RHBDF2: variants seen among roughly 807,000 people sequenced by gnomAD.
The protein encoded by RHBDF2 is rhomboid 5 homolog 2, also known as inactive rhomboid protein 2.
In RHBDF2, 38 loss-of-function variants were observed where a neutral mutation model predicts 95.2. That is an observed-to-expected ratio of 0.40 (90% CI 0.31 to 0.52). The LOEUF is 0.52. RHBDF2 is among the 20% of genes least tolerant of loss of function. The probability of loss-of-function intolerance (pLI) is 0.56; values close to 1 mark genes in which losing one functional copy is unlikely to be tolerated. For missense variants in RHBDF2, 863 were observed against 1,137.7 expected (o/e 0.76, Z 3.47); for synonymous variants, 442 against 462.0 (o/e 0.96, Z 0.55).
At chr17:76,496,062 G>A (rs1690093460) in intron 1 of RHBDF2, among the ~76,000 whole-genome samples, 1 of 152,170 alleles carries the variant, frequency 6.6e-6, no homozygotes, top group Non-Finnish European at 1.5e-5. Context: ...ACTCAAACCT[G>A]CCTGGGCCAC....
In RHBDF2 at chr17:76,471,293, C is replaced by T. The variant is rs747752439; in HGVS notation, c.*340G>A. On this transcript the variant is annotated 3_prime_UTR_variant, in exon 19 of 19. Transcript: ENST00000675367. ...GGGGAGAAGGCACCAGCAGAGGCAG[C>T]GCTGAGGACCTGGGAAGAAAAGGAC... 6 of 274,378 alleles carry T rather than the reference C, an allele frequency of 2.2e-5. No individual in the cohort carries two copies. Among genetic ancestry groups the T allele is most frequent in the South Asian group, 6.0e-5 (1 of 16,594 alleles). The allele number at this position is 274,378 out of a possible 1,614,324, so 17.0% of individuals were successfully genotyped here.
In RHBDF2 at chr17:76,473,403, CCTGGCTACAGGAGGCATCG is replaced by C. The variant is rs1277980540; in HGVS notation, c.1734-95_1734-77del. ...GCCCACCTTTGCCCAGAGCCCAGCA[CCTGGCTACAGGAGGCATCG>C]CTGGCAGGAAGGGGGATGCCGCATC... On this transcript the variant is annotated intron_variant, in intron 15 of 18. Transcript: ENST00000675367. 10 of 1,358,942 alleles carry C rather than the reference CCTGGCTACAGGAGGCATCG, an allele frequency of 7.4e-6. No individual in the cohort carries two copies. In the African/African-American group the frequency reaches 1.3e-4, roughly 18 times the overall value. 84.2% of individuals were successfully genotyped at this position (1,358,942 alleles called of 1,614,324 possible). A position where few individuals can be genotyped will look rare whatever the true frequency, so the allele number is the denominator to read the frequency against.
chr17:76,478,874 G>T lies in RHBDF2; in HGVS notation c.604C>A (p.His202Asn). 1 of 1,613,452 alleles carries T rather than the reference G, an allele frequency of 6.2e-7. No individual in the cohort carries two copies. The highest frequency in any genetic ancestry group is 8.5e-7 in the Non-Finnish European group (1 of 1,179,748). Residue 202 changes from histidine to asparagine, a missense_variant, in exon 6 of 19, where the codon CAC (histidine) becomes AAC (asparagine). Around this residue, in one of 2 missense-constraint regions of RHBDF2, gnomAD observed 611 missense variants for 725.5 expected, o/e 0.84. Transcript: ENST00000675367. ...GACATTCTCTTGCGGCGTGGCAGGT[G>T]GGAGTAGCCAGAACGGACACTGGTG... The part of the protein sequence containing the change: ...SFTSVRSGYS[H>N]LPRRKRMSVA...
intron 1 of RHBDF2, among the ~76,000 whole-genome samples, chr17:76,498,064 G>A (rs1420739195): frequency 3.9e-5 from 6 of 152,154 alleles, no homozygotes; most frequent in South Asian, 2.1e-4. Context: ...ACACGGTGGC[G>A]CTTTGTACTT....
Position 76,481,400 on chromosome 17 carries a change from C to A in RHBDF2, c.125G>T (p.Gly42Val). The A allele has an allele frequency of 6.2e-7, 1 of 1,612,600 alleles. No homozygotes were observed. The change falls in exon 3 of 19, where the codon GGC (glycine) becomes GTC (valine). Residue 42 changes from glycine (G) to valine (V), a missense_variant. Transcript: ENST00000675367. ...PPPEKETQAP[G>V]EQDSMLPERK... ...CTCAGGCAGCATGCTGTCCTGCTCG[C>A]CAGGGGCCTGGGTCTCTTTCTCGGG...
chr17:76,484,098 C>A (rs948595642), intron 2 of RHBDF2, among the ~76,000 whole-genome samples: 2 of 152,024 alleles, frequency 1.3e-5, no homozygotes, highest in Non-Finnish European at 2.9e-5. Flanking sequence ...CCCGTCTCTA[C>A]TAAAAATACA....
chr17:76,501,111 C>A (rs2074568170), intron 1 of RHBDF2: 1 of 152,272 alleles, frequency 6.6e-6, no homozygotes, highest in Non-Finnish European at 1.5e-5. Context: ...CCTGTCCGAG[C>A]CGAGCCCTAG....
At chr17:76,496,036 A>C (rs957226375) in intron 1 of RHBDF2, among the ~76,000 whole-genome samples, 1 of 152,162 alleles carries the variant, frequency 6.6e-6, no homozygotes, top group African/African-American at 2.4e-5. Flanking sequence ...AGGAGGAATA[A>C]GGGGCCAGAG....
At chr17:76,486,953 T>A (rs1216616876) in intron 2 of RHBDF2, among the ~76,000 whole-genome samples, 1 of 5,236 alleles carries the variant, frequency 1.9e-4, no homozygotes. Flanking sequence ...GCTTCCTGCC[T>A]TTTTTTTTTT....
rs375480778 is a variant in RHBDF2 at position 76,475,158 on chromosome 17, C to T, written c.1116-17G>A. On this transcript the variant is annotated splice_polypyrimidine_tract_variant and intron_variant, in intron 9 of 18. Transcript: ENST00000675367. ...AAGTAGGGCCTGTGCAGAGACACCT[C>T]GGGTCAGCTGAGCCGAGCTCCTATC... 5.8e-6 allele frequency: 9 copies of T among 1,555,310 alleles called. No individual in the cohort carries two copies. Among genetic ancestry groups the T allele is most frequent in the African/African-American group, 1.4e-5 (1 of 74,010 alleles).
chr17:76,479,307 A>G, intron 4 of RHBDF2, 30 bp from the exon 5 acceptor site: 4 of 1,570,424 alleles, frequency 2.5e-6, no homozygotes, highest in Non-Finnish European at 3.4e-6. Context: ...ACAGGTGGGC[A>G]TACGCTTGTC....
chr17:76,472,558 G>A, intron 18 of RHBDF2, 128 bp downstream of exon 18: 1 of 1,216,808 alleles, frequency 8.2e-7, no homozygotes, highest in East Asian at 2.4e-5. Flanking sequence ...CAGATTAGCT[G>A]TCCCTCCGCT....
chr17:76,481,757 A>G (rs2073973770), intron 2 of RHBDF2: 1 of 385,068 alleles, frequency 2.6e-6, no homozygotes, highest in Non-Finnish European at 4.8e-6. Flanking sequence ...GATCGAGACC[A>G]TCCTGGCCAA....
intron 1 of RHBDF2, among the ~76,000 whole-genome samples, chr17:76,500,210 T>G (rs2074545434): frequency 6.6e-6 from 1 of 152,142 alleles, no homozygotes; most frequent in Non-Finnish European, 1.5e-5. Context: ...TTCCTCGTTA[T>G]GTGGGCTGTT....
chr17:76,498,305 AGCGCTTCCACAGCCG>A (rs1784704581), intron 1 of RHBDF2, among the ~76,000 whole-genome samples: 1 of 152,326 alleles, frequency 6.6e-6, no homozygotes, highest in South Asian at 2.1e-4. Flanking sequence ...TCCGACAGCC[AGCGCTTCCACAGCCG>A]GTGCAGATGC....
chr17:76,479,369 C>T (rs756592912), intron 4 of RHBDF2, 92 bp from the exon 5 acceptor site: 42 of 1,521,876 alleles, frequency 2.8e-5, no homozygotes, highest in Non-Finnish European at 3.2e-5. Context: ...TGTGTGCCCG[C>T]GTGCCTACAG....
At chr17:76,489,074 C>T (rs59485060) in intron 1 of RHBDF2, among the ~76,000 whole-genome samples, 57,919 of 151,432 alleles carry the variant, frequency 0.38, 12,110 homozygotes, top group Middle Eastern at 0.5. Flanking sequence ...TGCAGTGAGC[C>T]GAGATCGCGC....
chr17:76,484,798 C>A (rs1346522847), intron 2 of RHBDF2, among the ~76,000 whole-genome samples: 1 of 152,164 alleles, frequency 6.6e-6, no homozygotes, highest in Non-Finnish European at 1.5e-5. Flanking sequence ...CTCAAACTGG[C>A]CAAGCTCTGC....
At chr17:76,483,093 C>A (rs893345371) in intron 2 of RHBDF2, among the ~76,000 whole-genome samples, 1 of 152,026 alleles carries the variant, frequency 6.6e-6, no homozygotes, top group Non-Finnish European at 1.5e-5. Flanking sequence ...CACTTGAACC[C>A]GAGAGGAAGA....
Sources: allele counts gnomAD v4.1 joint callset (sites outside exome capture counted in the v4.1 genomes callset), GRCh38; gene constraint gnomAD v4.1.1; regional missense constraint gnomAD v4.1.1; transcripts MANE v1.5; gene names NCBI Gene and HGNC (gene_info 2026-07-23, HGNC 2026-07-21).